GPC3: variants seen among roughly 807,000 people sequenced by gnomAD.
The protein encoded by GPC3 is glypican 3.
GPC3 carries 3 observed loss-of-function variants against 34.4 expected under a neutral mutation model. The ratio of observed to expected loss-of-function variants is 0.09; its 90% CI spans 0.04 to 0.23. The LOEUF (loss-of-function observed/expected upper bound fraction) is 0.23. GPC3 is among the 10% of genes least tolerant of loss of function. GPC3 has a pLI of 1.00. For synonymous variants in GPC3, 177 were observed against 174.0 expected (o/e 1.02, Z -0.13); for missense variants, 351 against 445.6 (o/e 0.79, Z 1.91).
Position 133,879,923 on chromosome X carries a change from ACAT to A in GPC3, c.337+73124_337+73126del, listed in dbSNP as rs1214492475. ...TTACATAGTTTAAACTGTTTAAAAG[ACAT>A]CATCAACCATTTCCTTTTAAGAGGA... On this transcript the variant is annotated intron_variant, in intron 2 of 7. Coordinates refer to ENST00000370818, the MANE Select transcript of GPC3 (RefSeq NM_004484.4). 4.5e-5 allele frequency among the ~76,000 whole-genome samples: 5 copies of A among 112,267 alleles called. No homozygotes were observed. The East Asian group carries it at 1.1e-3, about 25-fold the overall frequency.
intron 3 of GPC3, 115 bp from the exon 4 acceptor site, chrX:133,700,143 A>G (rs762838745): frequency 1.4e-5 from 8 of 558,388 alleles, no homozygotes; most frequent in African/African-American, 1.4e-4. Context: ...GAACAAAGCT[A>G]TGACTAGAGT....
At chrX:133,795,119 C>A (rs958290867) in intron 2 of GPC3, among the ~76,000 whole-genome samples, 4 of 112,444 alleles carry the variant, frequency 3.6e-5, no homozygotes, top group Non-Finnish European at 7.5e-5. Flanking sequence ...GATATGCCAA[C>A]TGAAAAGTAT....
intron 6 of GPC3, among the ~76,000 whole-genome samples, chrX:133,658,884 G>GAA (rs201491373): frequency 0.05 from 5,541 of 111,554 alleles, 344 homozygotes; most frequent in African/African-American, 0.17. Context: ...TAGAGGAGAG[G>GAA]AAAAGAAGGA....
At chrX:133,836,832 C>T (rs1253462619) in intron 2 of GPC3, among the ~76,000 whole-genome samples, 5 of 111,571 alleles carry the variant, frequency 4.5e-5, no homozygotes, top group African/African-American at 1.6e-4. Flanking sequence ...TGGACTAGGC[C>T]AACAGTTCTT....
intron 5 of GPC3, among the ~76,000 whole-genome samples, chrX:133,666,694 A>G (rs140642270): frequency 4.6e-4 from 52 of 112,555 alleles, no homozygotes; most frequent in East Asian, 2.8e-3. Flanking sequence ...AGAATGAAAT[A>G]CTATGAGCAC....
intron 2 of GPC3, among the ~76,000 whole-genome samples, chrX:133,793,600 A>G (rs2072191207): frequency 1.8e-5 from 2 of 111,343 alleles, no homozygotes; most frequent in Non-Finnish European, 3.8e-5. Context: ...ATGAACTCCA[A>G]TCTTGCACAC....
At chrX:133,844,112 C>T (rs1317356636) in intron 2 of GPC3, among the ~76,000 whole-genome samples, 2 of 111,454 alleles carry the variant, frequency 1.8e-5, no homozygotes, top group East Asian at 2.8e-4. Context: ...CAAAATGACT[C>T]GGTGAAAGGA....
intron 1 of GPC3, among the ~76,000 whole-genome samples, chrX:133,982,893 A>C (rs1032841836): frequency 8.9e-6 from 1 of 112,221 alleles, no homozygotes. Context: ...CAAATTATAC[A>C]TTTATTCACT....
rs147948963 is a variant in GPC3 at position 133,646,588 on chromosome X, C to T, written c.1413+15142G>A. On this transcript the variant is annotated intron_variant, in intron 6 of 7. Coordinates refer to ENST00000370818, the MANE Select transcript of GPC3 (RefSeq NM_004484.4). ...AGACTGGAGTCTAAATAGAAATACGCACATGAATTGCTGTTTTGGCTCAGC... is the reference window on the plus strand; with the variant it reads ...AGACTGGAGTCTAAATAGAAATACGTACATGAATTGCTGTTTTGGCTCAGC... Among the ~76,000 whole-genome samples, 18 of 112,147 alleles carry T rather than the reference C, an allele frequency of 1.6e-4. No homozygotes were observed. The East Asian group carries it at 4.5e-3, about 28-fold the overall frequency.
chrX:133,723,920 G>A (rs2071389403), intron 3 of GPC3, among the ~76,000 whole-genome samples: 1 of 112,342 alleles, frequency 8.9e-6, no homozygotes, highest in African/African-American at 3.2e-5. Context: ...TCAAGAGATA[G>A]CTGTTTTATT....
chrX:133,637,995 A>T (rs1374662938), intron 6 of GPC3, among the ~76,000 whole-genome samples: 1 of 111,455 alleles, frequency 9.0e-6, no homozygotes, highest in Non-Finnish European at 1.9e-5. Flanking sequence ...TGATGTGTAA[A>T]TACCTGGCCC....
At chrX:133,594,357 A>C (rs1001428219) in intron 7 of GPC3, among the ~76,000 whole-genome samples, 1 of 111,360 alleles carries the variant, frequency 9.0e-6, no homozygotes, top group African/African-American at 3.3e-5. Context: ...GTAGGAGAGC[A>C]GTTGAGACTC....
rs1045611827 is a variant in GPC3 at position 133,637,829 on chromosome X, G to C, written c.1413+23901C>G. Among the ~76,000 whole-genome samples, 9 of 110,189 alleles carry C rather than the reference G, an allele frequency of 8.2e-5. No homozygotes were observed. The Admixed American group carries it at 8.8e-4, about 11-fold the overall frequency. ...GGCTAAGTTTCTTATTTTTGGTAGA[G>C]ACAGGGTTTCGGTATGTTGCCCAGG... On this transcript the variant is annotated intron_variant, in intron 6 of 7. Coordinates refer to ENST00000370818, the MANE Select transcript of GPC3 (RefSeq NM_004484.4).
At chrX:133,594,696 G>A (rs894511185) in intron 7 of GPC3, among the ~76,000 whole-genome samples, 2 of 110,930 alleles carry the variant, frequency 1.8e-5, no homozygotes, top group Non-Finnish European at 3.8e-5. Flanking sequence ...AATGGTGGTT[G>A]CTAAGGGCTG....
At chrX:133,679,677 CAG>C (rs2070920899) in intron 5 of GPC3, among the ~76,000 whole-genome samples, 1 of 110,698 alleles carries the variant, frequency 9.0e-6, no homozygotes, top group Non-Finnish European at 1.9e-5. Flanking sequence ...TTTTTTGAGA[CAG>C]GGGATCACTA....
At chrX:133,558,226 C>T (rs1051173828) in intron 7 of GPC3, among the ~76,000 whole-genome samples, 1 of 110,368 alleles carries the variant, frequency 9.1e-6, no homozygotes, top group Admixed American at 9.6e-5. Flanking sequence ...AAGTAACCTG[C>T]AAATCTTTCT....
At position 133,967,565 on chromosome X, in the gene GPC3, A is replaced by G. The variant is rs182937420; in HGVS notation, c.176-14354T>C. ...CAGAAAACCACCAGCTCTTGAGAGGACAGCAGTTTGGTTCAGGAATATCTG... is the reference window on the plus strand; with the variant it reads ...CAGAAAACCACCAGCTCTTGAGAGGGCAGCAGTTTGGTTCAGGAATATCTG... On this transcript the variant is annotated intron_variant, in intron 1 of 7. Transcript: ENST00000370818. Among the ~76,000 whole-genome samples, 63 of 112,506 alleles carry G rather than the reference A, an allele frequency of 5.6e-4. 1 individual carries two copies. Among genetic ancestry groups the G allele is most frequent in the African/African-American group, 1.9e-3 (58 of 31,003 alleles).
At chrX:133,768,958 G>T (rs1216145133) in intron 2 of GPC3, among the ~76,000 whole-genome samples, 2 of 110,311 alleles carry the variant, frequency 1.8e-5, no homozygotes, top group Admixed American at 1.9e-4. Context: ...ACAAAAGAAA[G>T]AAGAAAGAAA....
chrX:133,849,134 C>G (rs1367515418), intron 2 of GPC3, among the ~76,000 whole-genome samples: 16 of 93,224 alleles, frequency 1.7e-4, no homozygotes, highest in African/African-American at 8.0e-5. Context: ...TCGCTCTGTC[C>G]CCCAGGCTGG....
Sources: allele counts gnomAD v4.1 joint callset (sites outside exome capture counted in the v4.1 genomes callset), GRCh38; gene constraint gnomAD v4.1.1; transcripts MANE v1.5; gene names NCBI Gene and HGNC (gene_info 2026-07-23, HGNC 2026-07-21).